The following KLF11 variants were observed in gnomAD, a reference collection of about 807,000 sequenced individuals.
The protein encoded by KLF11 is KLF transcription factor 11.
KLF11 carries 26 observed loss-of-function variants against 29.9 expected under a neutral mutation model. That is an observed-to-expected ratio of 0.87 (90% CI 0.64 to 1.21). The LOEUF (loss-of-function observed/expected upper bound fraction) is 1.21, where lower values mean the gene tolerates loss of function less well. Among genes scored for constraint, KLF11 ranks in the 50% most tolerant of loss-of-function variants. The probability of loss-of-function intolerance (pLI) is 0.00; values close to 1 mark genes in which losing one functional copy is unlikely to be tolerated. For synonymous variants in KLF11, 318 were observed against 257.4 expected, an observed-to-expected ratio of 1.24 and a Z score of -2.25; for missense variants, 778 against 665.7, an observed-to-expected ratio of 1.17 and a Z score of -1.86.
At chr2:10,044,989 T>TA (rs1661144519) in intron 1 of KLF11, among the ~76,000 whole-genome samples, 1 of 152,036 alleles carries the variant, frequency 6.6e-6, no homozygotes, top group Non-Finnish European at 1.5e-5. Context: ...CTACTAAAAA[T>TA]ACAAAAATCA....
rs1034326324 is a variant in KLF11, at chr2:10,051,558, C to T, written c.1259-669C>T. On this transcript the variant is annotated intron_variant, in intron 3 of 3. Coordinates refer to ENST00000305883, the MANE Select transcript of KLF11 (RefSeq NM_003597.5). ...TTTTGAGACGGAGTCTCCTGTGTCG[C>T]CCAGGCTGGAGTGCAGTGGTGCAAT... is the stretch of plus-strand genomic sequence containing the variant. Among the ~76,000 whole-genome samples the T allele has an allele frequency of 1.3e-4, 20 of 150,526 alleles. 1 individual carries two copies. Among genetic ancestry groups the T allele is most frequent in the African/African-American group, 4.9e-4 (20 of 40,832 alleles).
In KLF11 at chr2:10,048,505, C is replaced by G; in HGVS notation, c.1168C>G (p.Arg390Gly). 6.2e-7 allele frequency: 1 copy of G among 1,613,772 alleles called. No individual in the cohort carries two copies. Among genetic ancestry groups the G allele is most frequent in the Non-Finnish European group, 8.5e-7 (1 of 1,180,014 alleles). ...CTGTGTCCCTCAGGTAGACTTTTCC[C>G]GAAGGAGGAACTATGTATGCAGCTT... ...QNCVPQVDFS[R>G]RRNYVCSFPG... The change falls in exon 3 of 4, where the codon CGA (arginine) becomes GGA (glycine). Residue 390 changes from arginine to glycine, a missense_variant. Coordinates refer to ENST00000305883, the MANE Select transcript of KLF11 (RefSeq NM_003597.5).
At position 10,053,568 on chromosome 2, in the gene KLF11, C is replaced by G. The variant is rs973034165; in HGVS notation, c.*1061C>G. 6 of 397,484 alleles carry G rather than the reference C, an allele frequency of 1.5e-5. No individual in the cohort carries two copies. The highest frequency in any genetic ancestry group is 6.2e-5 in the African/African-American group (3 of 48,628). The allele number at this position is 397,484 out of a possible 1,614,324, so 24.6% of individuals were successfully genotyped here. ...GCAGGCAGTGCCAAGATTCCGCTTC[C>G]TTTGTTTGCCAAATACTAGAAACAC... is the stretch of plus-strand genomic sequence containing the variant. On this transcript the variant is annotated 3_prime_UTR_variant, in exon 4 of 4. Transcript: ENST00000305883.
chr2:10,050,472 G>A (rs1281011582), intron 3 of KLF11, among the ~76,000 whole-genome samples: 4 of 150,064 alleles, frequency 2.7e-5, no homozygotes, highest in Non-Finnish European at 4.4e-5. Context: ...AGCACTTTCC[G>A]AGGCCAAGGC....
chr2:10,044,397 G>C, intron 1 of KLF11: 1 of 985,594 alleles, frequency 1.0e-6, no homozygotes, highest in Non-Finnish European at 1.2e-6. Context: ...GGCAGAGCGC[G>C]GGCCTCGTGG....
rs1661479553 is a variant in KLF11 at position 10,053,759 on chromosome 2, G to A, written c.*1252G>A. The A allele has an allele frequency of 4.9e-6, 1 of 202,044 alleles. No homozygotes were observed. The highest frequency in any genetic ancestry group is 9.9e-6 in the Non-Finnish European group (1 of 100,726). 12.5% of individuals were successfully genotyped at this position (202,044 alleles called of 1,614,324 possible). A position where few individuals can be genotyped will look rare whatever the true frequency, so the allele number is the denominator to read the frequency against. The stretch of plus-strand genomic sequence containing the variant: ...CAATATTTTTCAACTGTATGAGCAC[G>A]TAGATAACCGAGAGAATGTGGCCAC... On this transcript the variant is annotated 3_prime_UTR_variant, in exon 4 of 4. Coordinates refer to ENST00000305883, the MANE Select transcript of KLF11 (RefSeq NM_003597.5).
intron 3 of KLF11, 41 bp downstream of exon 3, chr2:10,048,636 C>T (rs755822281): frequency 1.4e-6 from 2 of 1,479,830 alleles, no homozygotes; most frequent in East Asian, 2.3e-5. Flanking sequence ...ACACCAGACC[C>T]TGTGGTTAGG....
At chr2:10,048,679 G>A in intron 3 of KLF11, 84 bp downstream of exon 3, 2 of 1,054,292 alleles carry the variant, frequency 1.9e-6, no homozygotes, top group Non-Finnish European at 2.9e-6. Flanking sequence ...GGCTGGGAGG[G>A]GATCATGAGA....
Position 10,052,343 on chromosome 2 carries a change from T to C in KLF11, c.1375T>C (p.Cys459Arg). The C allele has an allele frequency of 6.2e-7, 1 of 1,614,036 alleles. No homozygotes were observed. Among genetic ancestry groups the C allele is most frequent in the Non-Finnish European group, 8.5e-7 (1 of 1,180,020 alleles). Reference sequence around the variant, plus strand: ...GGAGAAGAAGTTTGTGTGCCCGGTGTGTGACCGACGTTTCATGCGCAGTGA... The same window carrying C: ...GGAGAAGAAGTTTGTGTGCCCGGTGCGTGACCGACGTTTCATGCGCAGTGA... ...TGEKKFVCPV[C>R]DRRFMRSDHL... The change falls in exon 4 of 4, where the codon TGT (cysteine) becomes CGT (arginine). Residue 459 changes from cysteine (C) to arginine (R), a missense_variant. By Grantham distance (180) the Cys-to-Arg change is radical (BLOSUM62 -3). Transcript: ENST00000305883.
At chr2:10,050,891 CCTTTTTTT>C (rs1186121868) in intron 3 of KLF11, among the ~76,000 whole-genome samples, 47 of 42,028 alleles carry the variant, frequency 1.1e-3, no homozygotes, top group African/African-American at 3.3e-3. Context: ...ATAGATGCTA[CCTTTTTTT>C]TTTTTTTTTT....
chr2:10,048,297 GGCTGCTCCAGC>G lies in KLF11; in HGVS notation c.963_973del (p.Ala322SerfsTer54). ...GGACTGTGAGACCCATCCTAGCTCA[GGCTGCTCCAGC>G]GCCTCAACCTGTGTTCGTGGGACCT... is the stretch of plus-strand genomic sequence containing the variant. On this transcript the variant is annotated frameshift_variant, in exon 3 of 4. Transcript: ENST00000305883. LOFTEE classifies it high-confidence loss of function. The G allele has an allele frequency of 6.2e-7, 1 of 1,600,884 alleles. No homozygotes were observed. Among genetic ancestry groups the G allele is most frequent in the Non-Finnish European group, 8.5e-7 (1 of 1,171,958 alleles).
In KLF11 at chr2:10,052,966, CA is replaced by C. The variant is rs1298384547; in HGVS notation, c.*462del. On this transcript the variant is annotated 3_prime_UTR_variant, in exon 4 of 4. Coordinates refer to ENST00000305883, the MANE Select transcript of KLF11 (RefSeq NM_003597.5). ...CAGCCTTCTTTTCAGTGTTTAATAACAAAGTTTTTCCTAATGGCCCTTCTTT... is the reference window on the plus strand; with the variant it reads ...CAGCCTTCTTTTCAGTGTTTAATAACAAGTTTTTCCTAATGGCCCTTCTTT... 2.9e-5 allele frequency: 10 copies of C among 350,734 alleles called. No homozygotes were observed. The highest frequency in any genetic ancestry group is 7.3e-4 in the Middle Eastern group (1 of 1,362). 21.7% of individuals were successfully genotyped at this position (350,734 alleles called of 1,614,324 possible).
chr2:10,052,162 T>C, intron 3 of KLF11, 65 bp from the exon 4 acceptor site: 2 of 1,474,038 alleles, frequency 1.4e-6, no homozygotes, highest in Non-Finnish European at 1.9e-6. Context: ...ATGACATGAA[T>C]TAACCCCTTG....
chr2:10,051,921 C>T (rs1272136454), intron 3 of KLF11, among the ~76,000 whole-genome samples: 1 of 152,186 alleles, frequency 6.6e-6, no homozygotes, highest in Non-Finnish European at 1.5e-5. Context: ...TGATCGTCTC[C>T]AGCCTCCCAA....
intron 1 of KLF11, among the ~76,000 whole-genome samples, chr2:10,044,924 T>C (rs1012480769): frequency 5.3e-5 from 8 of 152,188 alleles, no homozygotes; most frequent in African/African-American, 1.9e-4. Context: ...GGTGGGCGGA[T>C]CACCTGAGGC....
rs1661061908 is a variant in KLF11, at chr2:10,043,635, C to T, written c.-82C>T. The T allele has an allele frequency of 1.0e-5, 10 of 1,002,074 alleles. No homozygotes were observed. Among genetic ancestry groups the T allele is most frequent in the Middle Eastern group, 4.6e-4 (1 of 2,168 alleles). The allele number at this position is 1,002,074 out of a possible 1,614,324, so 62.1% of individuals were successfully genotyped here. ...GAGCTCCGGGTTGCCGCCGCCGCCG[C>T]CGCCCGCAGCCCACGTGCGGCCGCT... On this transcript the variant is annotated 5_prime_UTR_variant, in exon 1 of 4. Transcript: ENST00000305883.
Position 10,053,041 on chromosome 2 carries a change from C to T in KLF11, c.*534C>T. On this transcript the variant is annotated 3_prime_UTR_variant, in exon 4 of 4. Coordinates refer to ENST00000305883, the MANE Select transcript of KLF11 (RefSeq NM_003597.5). ...ACTACAAAAACCACAAGTTATCTGGCCTTTTAGATCTTTTTGGAATCGGAC... is the reference window on the plus strand; with the variant it reads ...ACTACAAAAACCACAAGTTATCTGGTCTTTTAGATCTTTTTGGAATCGGAC... 1 of 391,100 alleles carries T rather than the reference C, an allele frequency of 2.6e-6. No homozygotes were observed. Among genetic ancestry groups the T allele is most frequent in the Non-Finnish European group, 4.5e-6 (1 of 222,130 alleles). 24.2% of individuals were successfully genotyped at this position (391,100 alleles called of 1,614,324 possible).
intron 1 of KLF11, among the ~76,000 whole-genome samples, chr2:10,044,935 CG>C (rs1661142487): frequency 6.6e-6 from 1 of 152,138 alleles, no homozygotes; most frequent in African/African-American, 2.4e-5. Context: ...CACCTGAGGC[CG>C]GGCTTTCGAG....
intron 1 of KLF11, chr2:10,044,075 G>A (rs895044129): frequency 1.4e-6 from 1 of 712,468 alleles, no homozygotes; most frequent in Non-Finnish European, 1.7e-6. Context: ...GAGCCGGACG[G>A]CCGTTGGGCG....
Sources: allele counts gnomAD v4.1 joint callset (sites outside exome capture counted in the v4.1 genomes callset), GRCh38; gene constraint gnomAD v4.1.1; transcripts MANE v1.5; gene names NCBI Gene and HGNC (gene_info 2026-07-23, HGNC 2026-07-21).